Variants in SLC13A4 observed in about 807,000 individuals in gnomAD.
SLC13A4 encodes Na(+)/sulfate cotransporter SUT-1.
Under a neutral mutation model 72.7 loss-of-function variants are expected in SLC13A4, and 28 were observed. That is an observed-to-expected ratio of 0.39 (90% CI 0.29 to 0.53). SLC13A4 has a LOEUF of 0.53. Among genes scored for constraint, SLC13A4 ranks in the 20% least tolerant of loss-of-function variants. The pLI is 0.78. For missense variants in SLC13A4, 653 were observed against 788.0 expected (o/e 0.83, Z 2.05); for synonymous variants, 312 against 325.5 (o/e 0.96, Z 0.45).
chr7:135,720,773 C>T (rs1796529803), intron 2 of SLC13A4, among the ~76,000 whole-genome samples: 1 of 152,122 alleles, frequency 6.6e-6, no homozygotes, highest in African/African-American at 2.4e-5. Context: ...CTGGGCTTCC[C>T]ACTGACAATT....
At chr7:135,715,078 TGTG>T (rs1405423991) in intron 2 of SLC13A4, among the ~76,000 whole-genome samples, 2 of 140,604 alleles carry the variant, frequency 1.4e-5, no homozygotes, top group East Asian at 2.2e-4. Context: ...GTGTGTATGA[TGTG>T]TGTGTATAAG....
intron 15 of SLC13A4, 67 bp downstream of exon 15, chr7:135,684,057 G>T (rs148627522): frequency 1.4e-6 from 2 of 1,478,848 alleles, no homozygotes; most frequent in Non-Finnish European, 1.8e-6. Context: ...TTGAAAGAAG[G>T]CTGCAGAGCT....
rs937955129 is a variant in SLC13A4, at chr7:135,681,318, T to C, written c.*245A>G. The C allele has an allele frequency of 7.7e-6, 3 of 387,900 alleles. No homozygotes were observed. The highest frequency in any genetic ancestry group is 6.1e-5 in the African/African-American group (3 of 48,846). The allele number at this position is 387,900 out of a possible 1,614,324, so 24.0% of individuals were successfully genotyped here. ...GAGCCTATGGCTTGTATTGAAACTT[T>C]AGGTTTTCTTGAGCTGTGGTGCTGA... is the stretch of plus-strand genomic sequence containing the variant. On this transcript the variant is annotated 3_prime_UTR_variant, in exon 16 of 16. Coordinates refer to ENST00000682651, the MANE Select transcript of SLC13A4 (RefSeq NM_001318192.2).
chr7:135,716,179 C>T lies in SLC13A4; in HGVS notation c.228+5216G>A, dbSNP rs554791321. On this transcript the variant is annotated intron_variant, in intron 2 of 15. Coordinates refer to ENST00000682651, the MANE Select transcript of SLC13A4 (RefSeq NM_001318192.2). ...TTATGGAAGCCTGGACTTATGTCCC[C>T]TTAAGTCTTCTCTTCATTCCTCATG... Among the ~76,000 whole-genome samples, 12 of 152,288 alleles carry T rather than the reference C, an allele frequency of 7.9e-5. No homozygotes were observed. The East Asian group carries it at 1.5e-3, about 20-fold the overall frequency.
rs1002519507 is a variant in SLC13A4 at position 135,701,828 on chromosome 7, C to T, written c.634-68G>A. ...GTGAGCCAGGTGCCTCGAGAAGGACCACCTAGTCATCCCAGGGCCACCCCA... is the reference window on the plus strand; with the variant it reads ...GTGAGCCAGGTGCCTCGAGAAGGACTACCTAGTCATCCCAGGGCCACCCCA... On this transcript the variant is annotated intron_variant, in intron 6 of 15. Coordinates refer to ENST00000682651, the MANE Select transcript of SLC13A4 (RefSeq NM_001318192.2). The T allele has an allele frequency of 1.2e-5, 18 of 1,504,584 alleles. No individual in the cohort carries two copies. In the Admixed American group the frequency reaches 3.1e-4, roughly 26 times the overall value. 93.2% of individuals were successfully genotyped at this position (1,504,584 alleles called of 1,614,324 possible). A position where few individuals can be genotyped will look rare whatever the true frequency, so the allele number is the denominator to read the frequency against.
At chr7:135,684,404 T>A in intron 14 of SLC13A4, 143 bp from the exon 15 acceptor site, 1 of 877,296 alleles carries the variant, frequency 1.1e-6, no homozygotes, top group Non-Finnish European at 1.7e-6. Context: ...GTCTCTGCCC[T>A]CTGGGGCATG....
At chr7:135,711,000 T>A (rs913770861) in intron 2 of SLC13A4, among the ~76,000 whole-genome samples, 1 of 7,268 alleles carries the variant, frequency 1.4e-4, no homozygotes, top group Non-Finnish European at 2.7e-4. Flanking sequence ...GGGGCGGGGG[T>A]GGGGTTGGGG....
intron 1 of SLC13A4, among the ~76,000 whole-genome samples, chr7:135,723,896 A>G (rs1796597590): frequency 6.6e-6 from 1 of 152,214 alleles, no homozygotes. Flanking sequence ...TGATAAGACA[A>G]CAGAACCAAT....
Position 135,695,491 on chromosome 7 carries a change from G to A in SLC13A4, c.900-4C>T. The A allele has an allele frequency of 1.2e-6, 2 of 1,613,596 alleles. No homozygotes were observed. Among genetic ancestry groups the A allele is most frequent in the Non-Finnish European group, 1.7e-6 (2 of 1,179,692 alleles). On this transcript the variant is annotated splice_polypyrimidine_tract_variant and splice_region_variant and intron_variant, in intron 8 of 15. Transcript: ENST00000682651. ...CACCTCTGCGGCTGGATACTGGCTG[G>A]AGGGTAAAGAACCAGGTCAGCAATT...
chr7:135,691,500 T>G (rs1185734734), intron 12 of SLC13A4, 48 bp downstream of exon 12: 1 of 1,543,608 alleles, frequency 6.5e-7, no homozygotes, highest in East Asian at 2.3e-5. Context: ...TAGTCTGATT[T>G]GGGTATTCTT....
intron 14 of SLC13A4, 56 bp from the exon 15 acceptor site, chr7:135,684,317 T>C (rs1795573727): frequency 6.5e-7 from 1 of 1,541,492 alleles, no homozygotes; most frequent in South Asian, 1.3e-5. Flanking sequence ...TTTCCTGTGC[T>C]TAATGTCAGG....
At chr7:135,701,859 CAG>C (rs1173113204) in intron 6 of SLC13A4, 99 bp from the exon 7 acceptor site, 32 of 1,190,376 alleles carry the variant, frequency 2.7e-5, no homozygotes, top group Non-Finnish European at 1.2e-6. Context: ...CCCCATGCCT[CAG>C]CACTGTGGGA....
chr7:135,709,474 C>T (rs1189221724), intron 2 of SLC13A4, among the ~76,000 whole-genome samples: 1 of 149,916 alleles, frequency 6.7e-6, no homozygotes, highest in African/African-American at 2.5e-5. Flanking sequence ...GGCTGGAGTG[C>T]AGTGGCATGA....
At chr7:135,691,805 T>C (rs1193604152) in intron 11 of SLC13A4, 160 bp from the exon 12 acceptor site, 2 of 575,714 alleles carry the variant, frequency 3.5e-6, no homozygotes, top group African/African-American at 1.9e-5. Flanking sequence ...GCTATCCACT[T>C]TGGATTTAAT....
chr7:135,692,734 CTG>C (rs1436023877), intron 10 of SLC13A4: 4 of 267,752 alleles, frequency 1.5e-5, no homozygotes, highest in Non-Finnish European at 2.1e-5. Context: ...GCCCCAAACA[CTG>C]TGCTGGTGGG....
At position 135,691,282 on chromosome 7, in the gene SLC13A4, C is replaced by T. The variant is rs780849446; in HGVS notation, c.1365G>A (p.Thr455=). ...EHSLGTEPII[T]WKDFQKTMPW... Reference sequence around the variant, plus strand: ...GCATGGTCTTCTGGAAGTCCTTCCACGTGATGATGGGCTCGGTCCCCAGTG... The same window carrying T: ...GCATGGTCTTCTGGAAGTCCTTCCATGTGATGATGGGCTCGGTCCCCAGTG... The change falls in exon 13 of 16, where the codon ACG becomes ACA. Residue 455 remains threonine (T), a synonymous_variant. Coordinates refer to ENST00000682651, the MANE Select transcript of SLC13A4 (RefSeq NM_001318192.2). 45 of 1,613,768 alleles carry T rather than the reference C, an allele frequency of 2.8e-5. No homozygotes were observed. In the South Asian group the frequency reaches 3.3e-4, roughly 12 times the overall value.
chr7:135,706,435 G>A, intron 3 of SLC13A4, 135 bp from the exon 4 acceptor site: 1 of 829,890 alleles, frequency 1.2e-6, no homozygotes, highest in Non-Finnish European at 1.8e-6. Context: ...GTCCTGCAGG[G>A]TGCCATTCAG....
intron 11 of SLC13A4, 113 bp from the exon 12 acceptor site, chr7:135,691,758 G>A: frequency 2.9e-6 from 2 of 696,948 alleles, no homozygotes; most frequent in Non-Finnish European, 4.9e-6. Flanking sequence ...CTTATCTAGA[G>A]GTAACATTAA....
At chr7:135,719,392 C>T (rs907802723) in intron 2 of SLC13A4, among the ~76,000 whole-genome samples, 29 of 152,304 alleles carry the variant, frequency 1.9e-4, no homozygotes, top group African/African-American at 6.5e-4. Flanking sequence ...AGTTTTCTCA[C>T]TTTAAAAGGT....
Sources: gnomAD v4.1 joint callset for allele counts (sites outside exome capture counted in the v4.1 genomes callset) on GRCh38, gnomAD v4.1.1 for gene constraint, MANE v1.5 for transcripts, NCBI Gene and HGNC (gene_info 2026-07-23, HGNC 2026-07-21) for gene names.